Variants in SHB observed in about 807,000 individuals in gnomAD.
The protein encoded by SHB is SH2 domain containing adaptor protein B, also known as SH2 domain-containing adapter protein B.
SHB carries 20 observed loss-of-function variants against 52.3 expected under a neutral mutation model. The observed-to-expected ratio is 0.38, with a 90% confidence interval of 0.27 to 0.56. The LOEUF (loss-of-function observed/expected upper bound fraction) is 0.56. Ranked by LOEUF, SHB falls within the 20% of genes least tolerant of loss-of-function variation. SHB has a pLI of 0.71. For synonymous variants in SHB, 397 were observed against 316.5 expected (o/e 1.25, Z -2.70); for missense variants, 825 against 723.3 (o/e 1.14, Z -1.61).
intron 2 of SHB, among the ~76,000 whole-genome samples, chr9:38,014,043 G>A (rs1031669866): frequency 7.9e-5 from 12 of 152,168 alleles, no homozygotes; most frequent in Admixed American, 4.6e-4. Flanking sequence ...CCCAGCATCT[G>A]ATGCAAACAC....
intron 1 of SHB, among the ~76,000 whole-genome samples, chr9:38,061,311 C>CAAA (rs776311036): frequency 3.6e-5 from 3 of 84,052 alleles, no homozygotes; most frequent in African/African-American, 8.7e-5. Context: ...GATCCTGTCT[C>CAAA]AAAAAAAAAA....
chr9:37,962,345 CAG>C (rs1232758041), intron 3 of SHB, among the ~76,000 whole-genome samples: 2 of 152,166 alleles, frequency 1.3e-5, no homozygotes, highest in Non-Finnish European at 2.9e-5. Flanking sequence ...ATACCTAAAA[CAG>C]TGTCTGATGT....
At position 37,919,764 on chromosome 9, in the gene SHB, G is replaced by A. The variant is rs376842220; in HGVS notation, c.*57C>T. ...CAGTGGCTGGGCTGGTTGGTGGGGG[G>A]CCTCTGGCACCTCCAAGTCTCAGGC... is the stretch of plus-strand genomic sequence containing the variant. On this transcript the variant is annotated 3_prime_UTR_variant, in exon 6 of 6. Transcript: ENST00000377707. 483 of 1,436,810 alleles carry A rather than the reference G, an allele frequency of 3.4e-4. 1 individual carries two copies. In the East Asian group the frequency reaches 5.4e-3, roughly 16 times the overall value. 89.0% of individuals were successfully genotyped at this position (1,436,810 alleles called of 1,614,324 possible). A position where few individuals can be genotyped will look rare whatever the true frequency, so the allele number is the denominator to read the frequency against.
intron 1 of SHB, among the ~76,000 whole-genome samples, chr9:38,046,922 G>T (rs910383388): frequency 2.0e-5 from 3 of 152,186 alleles, no homozygotes; most frequent in Non-Finnish European, 4.4e-5. Flanking sequence ...GGAAGTTTTT[G>T]GAAAAGATGG....
chr9:37,953,245 G>T (rs1231861906), intron 4 of SHB, among the ~76,000 whole-genome samples: 3 of 152,078 alleles, frequency 2.0e-5, no homozygotes, highest in African/African-American at 7.2e-5. Context: ...AGAGAGGGGA[G>T]AAGTGCTGGC....
chr9:37,932,393 C>T (rs1587197002), intron 5 of SHB, among the ~76,000 whole-genome samples: 1 of 150,442 alleles, frequency 6.6e-6, no homozygotes, highest in African/African-American at 2.4e-5. Context: ...GTCCTTGGGG[C>T]AGGGTGGGGA....
chr9:38,068,527 G>C lies in SHB; in HGVS notation c.119C>G (p.Pro40Arg), dbSNP rs756635370. The change falls in exon 1 of 6, where the codon CCC (proline) becomes CGC (arginine). Residue 40 changes from proline to arginine, a missense_variant. Pro to Arg is a moderately radical substitution (Grantham distance 103). Transcript: ENST00000377707. ...GGAGGCCTGCGGCACGGCCTGGGGG[G>C]GCTGCGAAGGCCGCTCGCCTCGGCG... The part of the protein sequence containing the change: ...QRRRGERPSQ[P>R]PQAVPQASSA... 6.2e-6 allele frequency: 9 copies of C among 1,456,078 alleles called. No homozygotes were observed. Among genetic ancestry groups the C allele is most frequent in the South Asian group, 1.4e-5 (1 of 72,622 alleles). 90.2% of individuals were successfully genotyped at this position (1,456,078 alleles called of 1,614,324 possible). A position where few individuals can be genotyped will look rare whatever the true frequency, so the allele number is the denominator to read the frequency against.
intron 5 of SHB, among the ~76,000 whole-genome samples, chr9:37,939,779 T>A (rs577696217): frequency 6.6e-6 from 1 of 152,206 alleles, no homozygotes; most frequent in Non-Finnish European, 1.5e-5. Context: ...TCATTAACTG[T>A]GACGTAATGT....
chr9:37,965,146 T>A (rs188039933), intron 3 of SHB, among the ~76,000 whole-genome samples: 1 of 152,182 alleles, frequency 6.6e-6, no homozygotes, highest in Non-Finnish European at 1.5e-5. Context: ...AGCCCCACTG[T>A]GTATGTTTCT....
intron 5 of SHB, among the ~76,000 whole-genome samples, chr9:37,941,644 G>T (rs116678146): frequency 2.9e-3 from 445 of 152,296 alleles, no homozygotes; most frequent in African/African-American, 0.01. Context: ...CTCTTAAAAG[G>T]CTTCATCATC....
intron 1 of SHB, among the ~76,000 whole-genome samples, chr9:38,054,896 T>C (rs999723390): frequency 3.9e-5 from 6 of 152,112 alleles, no homozygotes; most frequent in African/African-American, 1.4e-4. Flanking sequence ...AATCTCAACA[T>C]TGGAAGTTTT....
At chr9:37,969,971 G>T (rs754124073) in intron 3 of SHB, among the ~76,000 whole-genome samples, 1 of 152,236 alleles carries the variant, frequency 6.6e-6, no homozygotes, top group Non-Finnish European at 1.5e-5. Context: ...AGACTCCTGG[G>T]GTGATTCAAA....
intron 1 of SHB, among the ~76,000 whole-genome samples, chr9:38,053,479 C>T (rs963341261): frequency 6.6e-5 from 10 of 152,098 alleles, no homozygotes; most frequent in East Asian, 1.9e-4. Context: ...CCTCGTGATC[C>T]GCCCACCCCA....
intron 2 of SHB, among the ~76,000 whole-genome samples, chr9:37,990,448 C>G (rs1027781905): frequency 6.6e-6 from 1 of 152,166 alleles, no homozygotes; most frequent in African/African-American, 2.4e-5. Flanking sequence ...GAACCCAGCT[C>G]CACAGATGCT....
At chr9:37,983,765 TCCGTGC>T in intron 2 of SHB, among the ~76,000 whole-genome samples, 2 of 152,204 alleles carry the variant, frequency 1.3e-5, no homozygotes. Flanking sequence ...CCACCGGGGA[TCCGTGC>T]CCGAGACGCC....
rs988293053 is a variant in SHB at position 38,066,663 on chromosome 9, A to G, written c.717+1266T>C. ...GATCTTCCACGGACTGCCCATGCAGATCAAACAGGGGAGGGGATATTCTGG... is the reference window on the plus strand; with the variant it reads ...GATCTTCCACGGACTGCCCATGCAGGTCAAACAGGGGAGGGGATATTCTGG... On this transcript the variant is annotated intron_variant, in intron 1 of 5. Transcript: ENST00000377707. Among the ~76,000 whole-genome samples, 6 of 152,288 alleles carry G rather than the reference A, an allele frequency of 3.9e-5. No individual in the cohort carries two copies. The South Asian group carries it at 1.2e-3, about 32-fold the overall frequency.
At chr9:37,932,197 A>G (rs1462989839) in intron 5 of SHB, among the ~76,000 whole-genome samples, 1 of 146,894 alleles carries the variant, frequency 6.8e-6, no homozygotes, top group African/African-American at 2.5e-5. Context: ...CTAGAGAATC[A>G]CTTGAACCCA....
chr9:38,026,176 G>A (rs1821339941), intron 1 of SHB, among the ~76,000 whole-genome samples: 1 of 152,224 alleles, frequency 6.6e-6, no homozygotes, highest in South Asian at 2.1e-4. Context: ...AGCAGCGCCT[G>A]TGAGCCAAAG....
rs549655373 is a variant in SHB at position 38,005,623 on chromosome 9, G to T, written c.838+10388C>A. Reference sequence around the variant, plus strand: ...GAAATCATCTCATCTGCTTCCTCTCGGAGCCTTAGGGAGAGTCCTGGTATC... The same window carrying T: ...GAAATCATCTCATCTGCTTCCTCTCTGAGCCTTAGGGAGAGTCCTGGTATC... On this transcript the variant is annotated intron_variant, in intron 2 of 5. Transcript: ENST00000377707. Among the ~76,000 whole-genome samples the T allele has an allele frequency of 9.9e-5, 15 of 152,222 alleles. No individual in the cohort carries two copies. The South Asian group carries it at 2.9e-3, about 30-fold the overall frequency.
Sources: allele counts gnomAD v4.1 joint callset (sites outside exome capture counted in the v4.1 genomes callset), GRCh38; gene constraint gnomAD v4.1.1; transcripts MANE v1.5; gene names NCBI Gene and HGNC (gene_info 2026-07-23, HGNC 2026-07-21).